The following SF1 variants were observed in gnomAD, a reference collection of about 807,000 sequenced individuals.
SF1 encodes the protein branch point-binding protein.
In SF1, 7 loss-of-function variants were observed where a neutral mutation model predicts 62.5. The observed-to-expected ratio is 0.11, with a 90% confidence interval of 0.06 to 0.21. The LOEUF (loss-of-function observed/expected upper bound fraction) is 0.21, where lower values mean the gene tolerates loss of function less well. SF1 is among the 10% of genes least tolerant of loss of function. The probability of loss-of-function intolerance (pLI) is 1.00; values close to 1 mark genes in which losing one functional copy is unlikely to be tolerated. For synonymous variants in SF1, 394 were observed against 323.6 expected (o/e 1.22, Z -2.33); for missense variants, 578 against 884.0 (o/e 0.65, Z 4.39).
intron 5 of SF1, 25 bp downstream of exon 5, chr11:64,769,939 A>T (rs1477602876): frequency 6.5e-6 from 10 of 1,540,194 alleles, no homozygotes; most frequent in Non-Finnish European, 9.0e-6. Context: ...GGAATTCTAT[A>T]TCCTATAGAC....
intron 5 of SF1, 55 bp from the exon 6 acceptor site, chr11:64,769,664 A>G: frequency 3.3e-6 from 5 of 1,519,404 alleles, no homozygotes; most frequent in East Asian, 2.3e-5. Context: ...CTCAAGAGGG[A>G]AGAGAGGCTG....
At chr11:64,767,957 G>C in intron 9 of SF1, 113 bp from the exon 10 acceptor site, 1 of 1,480,162 alleles carries the variant, frequency 6.8e-7, no homozygotes, top group Non-Finnish European at 9.1e-7. Flanking sequence ...CCCGAAGTGA[G>C]AAGTCCCCAA....
Position 64,769,491 on chromosome 11 carries a change from C to T in SF1, c.598G>A (p.Asp200Asn), listed in dbSNP as rs1937946467. The T allele has an allele frequency of 6.2e-7, 1 of 1,614,206 alleles. No individual in the cohort carries two copies. Among genetic ancestry groups the T allele is most frequent in the Non-Finnish European group, 8.5e-7 (1 of 1,180,036 alleles). The change falls in exon 6 of 13, where the codon GAT (aspartate) becomes AAT (asparagine). Residue 200 changes from aspartate to asparagine, a missense_variant. Coordinates refer to ENST00000377390, the MANE Select transcript of SF1 (RefSeq NM_004630.4). ...GTAACCAGGGCATGAAGTGGCTCAT[C>T]TTCTCCTGGCAACATCTGGCCATCT... The part of the protein sequence containing the change: ...RKDGQMLPGE[D>N]EPLHALVTAN...
chr11:64,767,663 G>A lies in SF1; in HGVS notation c.1250C>T (p.Pro417Leu). Residue 417 changes from proline (P) to leucine (L), a missense_variant, in exon 10 of 13, where the codon CCC becomes CTC. By Grantham distance (98) the Pro-to-Leu change is moderately conservative. Around this residue, in one of 7 missense-constraint regions of SF1, gnomAD observed 410 missense variants for 452.4 expected, o/e 0.91. Transcript: ENST00000377390. ...CATCCAAGGGGGTGGGGGTCCATTG[G>A]GGTTGTGCTGCATGGGATGTCCACC... is the stretch of plus-strand genomic sequence containing the variant. ...GHGGHPMQHN[P>L]NGPPPPWMQP... 6.2e-7 allele frequency: 1 copy of A among 1,606,970 alleles called. No individual in the cohort carries two copies. Among genetic ancestry groups the A allele is most frequent in the Non-Finnish European group, 8.5e-7 (1 of 1,176,500 alleles).
chr11:64,778,156 A>AGGCGGAGGG (rs1592545671), intron 1 of SF1: 1 of 761,320 alleles, frequency 1.3e-6, no homozygotes, highest in South Asian at 6.2e-5. Context: ...GCTGCTGGGG[A>AGGCGGAGGG]GGCGGAGGGG....
chr11:64,765,966 C>A lies in SF1; in HGVS notation c.1772G>T (p.Gly591Val), dbSNP rs1168377607. ...CGGGGCATACATCATGCCGGCGGAA[C>A]CAGGCGGTGGAGGCGGCGGAGGGGG... is the stretch of plus-strand genomic sequence containing the variant. ...APPPPPPPPP[G>V]SAGMMYAPPP... is the part of the protein sequence containing the mutation. The change falls in exon 13 of 13, where the codon GGT (glycine) becomes GTT (valine). Residue 591 changes from glycine (G) to valine (V), a missense_variant. Around this residue, in one of 7 missense-constraint regions of SF1, gnomAD observed 410 missense variants for 452.4 expected, o/e 0.91. Coordinates refer to ENST00000377390, the MANE Select transcript of SF1 (RefSeq NM_004630.4). The A allele has an allele frequency of 1.3e-6, 2 of 1,593,732 alleles. No individual in the cohort carries two copies. The highest frequency in any genetic ancestry group is 1.7e-6 in the Non-Finnish European group (2 of 1,170,598).
rs773200056 is a variant in SF1, at chr11:64,767,194, T to C, written c.1400A>G (p.Lys467Arg). Residue 467 changes from lysine to arginine, a missense_variant and splice_region_variant, in exon 11 of 13, where the codon AAA becomes AGA. Physicochemically the swap from Lys to Arg is conservative, Grantham distance 26. Transcript: ENST00000377390. ...GSGVYRLHQG[K>R]GMMPPPPMGM... ...CACAGCCAGCAGACAGCCATTACCT[T>C]TTCCTTGATGCAGGCGATAGACCCC... 6.2e-7 allele frequency: 1 copy of C among 1,614,028 alleles called. No individual in the cohort carries two copies. Among genetic ancestry groups the C allele is most frequent in the South Asian group, 1.1e-5 (1 of 91,076 alleles).
At chr11:64,776,984 C>T (rs1471260744) in intron 1 of SF1, among the ~76,000 whole-genome samples, 8 of 152,212 alleles carry the variant, frequency 5.3e-5, no homozygotes, top group Admixed American at 5.2e-4. Flanking sequence ...CAAAAATACA[C>T]TGAAGAATCA....
At chr11:64,776,410 C>T in intron 2 of SF1, 88 bp downstream of exon 2, 2 of 1,405,866 alleles carry the variant, frequency 1.4e-6, no homozygotes, top group African/African-American at 1.4e-5. Context: ...AAGATAACTA[C>T]AATCTCAAAC....
rs1469669065 is a variant in SF1 at position 64,764,758 on chromosome 11, G to A, written c.*1060C>T. 6.6e-6 allele frequency: 1 copy of A among 152,644 alleles called. No individual in the cohort carries two copies. Among genetic ancestry groups the A allele is most frequent in the Non-Finnish European group, 1.5e-5 (1 of 68,106 alleles). 9.5% of individuals were successfully genotyped at this position (152,644 alleles called of 1,614,324 possible). On this transcript the variant is annotated 3_prime_UTR_variant, in exon 13 of 13. Transcript: ENST00000377390. The stretch of plus-strand genomic sequence containing the variant: ...ATTATTGTCAACAGAATCACTTCAT[G>A]GAGAGGGAAGCGGGAGGAAAAAGGA...
At chr11:64,769,173 T>C (rs1937884469) in intron 7 of SF1, 44 bp from the exon 8 acceptor site, 2 of 1,608,848 alleles carry the variant, frequency 1.2e-6, no homozygotes, top group Non-Finnish European at 1.7e-6. Context: ...CAATCTCTAC[T>C]TCCATAGGTT....
rs2058777393 is a variant in SF1 at position 64,767,625 on chromosome 11, G to A, written c.1288C>T (p.Pro430Ser). Reference protein sequence around the residue: ...PPPPWMQPPPPPMNQGPHPPG... With the variant: ...PPPPWMQPPPSPMNQGPHPPG... ...GGGTGGGGGCCCTGGTTCATCGGTG[G>A]TGGTGGTGGCTGCATCCAAGGGGGT... Residue 430 changes from proline to serine, a missense_variant, in exon 10 of 13, where the codon CCA (proline) becomes TCA (serine). Around this residue, in one of 7 missense-constraint regions of SF1, gnomAD observed 410 missense variants for 452.4 expected, o/e 0.91. Coordinates refer to ENST00000377390, the MANE Select transcript of SF1 (RefSeq NM_004630.4). 1.3e-6 allele frequency: 2 copies of A among 1,591,674 alleles called. No homozygotes were observed. Among genetic ancestry groups the A allele is most frequent in the African/African-American group, 1.4e-5 (1 of 73,652 alleles).
intron 1 of SF1, chr11:64,777,569 TTCC>T (rs916683643): frequency 3.0e-6 from 3 of 985,248 alleles, no homozygotes; most frequent in African/African-American, 3.5e-5. Context: ...CCCATTCTGG[TTCC>T]TCAAGACCAG....
chr11:64,769,127 A>C lies in SF1; in HGVS notation c.782T>G (p.Ile261Ser). The change falls in exon 8 of 13, where the codon ATC becomes AGC. Residue 261 changes from isoleucine (I) to serine (S), a missense_variant and splice_region_variant. Ile to Ser is a moderately radical substitution (Grantham distance 142). Transcript: ENST00000377390. ...NGTLREDDNR[I>S]LRPWQSSETR... Reference sequence around the variant, plus strand: ...CTCTGAGCTCTGCCAGGGTCTTAAGATCCTATTAAAGGAAAAAGAGGTCAA... The same window carrying C: ...CTCTGAGCTCTGCCAGGGTCTTAAGCTCCTATTAAAGGAAAAAGAGGTCAA... 1 of 1,613,976 alleles carries C rather than the reference A, an allele frequency of 6.2e-7. No individual in the cohort carries two copies. The highest frequency in any genetic ancestry group is 8.5e-7 in the Non-Finnish European group (1 of 1,179,834).
chr11:64,774,744 G>A (rs1032130983), intron 2 of SF1, among the ~76,000 whole-genome samples: 1 of 152,090 alleles, frequency 6.6e-6, no homozygotes, highest in Non-Finnish European at 1.5e-5. Flanking sequence ...CAGATCATGA[G>A]GACAAGAGAT....
At chr11:64,775,994 G>A (rs972481839) in intron 2 of SF1, 2 of 157,434 alleles carry the variant, frequency 1.3e-5, no homozygotes, top group Non-Finnish European at 2.8e-5. Flanking sequence ...AAATAAAAAG[G>A]GGTAAATTGT....
intron 3 of SF1, chr11:64,773,058 G>A: frequency 9.0e-7 from 1 of 1,113,146 alleles, no homozygotes; most frequent in Non-Finnish European, 1.1e-6. Flanking sequence ...TCCCTGCACT[G>A]TGTACCTGTG....
chr11:64,766,193 G>A (rs2058650131), intron 12 of SF1, 38 bp from the exon 13 acceptor site: 2 of 1,564,894 alleles, frequency 1.3e-6, no homozygotes. Flanking sequence ...CACGCGCGGG[G>A]GCACACCGCG....
chr11:64,777,076 C>T (rs1031292035), intron 1 of SF1, among the ~76,000 whole-genome samples: 2 of 152,170 alleles, frequency 1.3e-5, no homozygotes, highest in African/African-American at 4.8e-5. Context: ...TACGAGAGGC[C>T]GGACCACAAC....
Sources: gnomAD v4.1 joint callset for allele counts (sites outside exome capture counted in the v4.1 genomes callset) on GRCh38, gnomAD v4.1.1 for gene constraint, gnomAD v4.1.1 regional missense constraint, MANE v1.5 for transcripts, NCBI Gene and HGNC (gene_info 2026-07-23, HGNC 2026-07-21) for gene names.